The following USP32 variants were observed in gnomAD, a reference collection of about 807,000 sequenced individuals.
The protein encoded by USP32 is ubiquitin specific peptidase 32.
USP32 carries 59 observed loss-of-function variants against 204.8 expected under a neutral mutation model. The ratio of observed to expected loss-of-function variants is 0.29; its 90% CI spans 0.23 to 0.36. USP32 has a LOEUF of 0.36. Among genes scored for constraint, USP32 ranks in the 10% least tolerant of loss-of-function variants. USP32 has a pLI of 1.00. For synonymous variants in USP32, 517 were observed against 678.4 expected, an observed-to-expected ratio of 0.76 and a Z score of 3.70; for missense variants, 1,160 against 1,946.4, an observed-to-expected ratio of 0.60 and a Z score of 7.60.
chr17:60,318,012 A>G (rs1181990467), intron 2 of USP32, among the ~76,000 whole-genome samples: 1 of 152,230 alleles, frequency 6.6e-6, no homozygotes, highest in Non-Finnish European at 1.5e-5. Context: ...ACAAACAAAA[A>G]AAACAGCCAA....
At chr17:60,326,783 T>C (rs1403831823) in intron 2 of USP32, among the ~76,000 whole-genome samples, 1 of 152,230 alleles carries the variant, frequency 6.6e-6, no homozygotes, top group East Asian at 1.9e-4. Context: ...CTAAGTTTTA[T>C]GAAAATAAAA....
chr17:60,378,806 G>A (rs895214766), intron 1 of USP32, among the ~76,000 whole-genome samples: 7 of 151,986 alleles, frequency 4.6e-5, no homozygotes, highest in Non-Finnish European at 1.5e-5. Context: ...TTTCTGTTTG[G>A]GATGATGAAC....
At chr17:60,195,519 G>A (rs1011528321) in intron 27 of USP32, among the ~76,000 whole-genome samples, 1 of 152,126 alleles carries the variant, frequency 6.6e-6, no homozygotes, top group African/African-American at 2.4e-5. Flanking sequence ...TGCATTTTTA[G>A]TAGAGACGGG....
chr17:60,244,256 A>C (rs913665856), intron 11 of USP32, among the ~76,000 whole-genome samples: 3 of 151,644 alleles, frequency 2.0e-5, no homozygotes, highest in African/African-American at 7.3e-5. Context: ...CTCACCTTGC[A>C]ATCCACCCAC....
intron 2 of USP32, among the ~76,000 whole-genome samples, chr17:60,342,867 C>A (rs919274187): frequency 1.3e-5 from 2 of 152,204 alleles, no homozygotes; most frequent in African/African-American, 4.8e-5. Context: ...ATCCCCTAAC[C>A]CCTTGCGCTT....
Position 60,332,980 on chromosome 17 carries a change from A to G in USP32, c.186+12501T>C, listed in dbSNP as rs546390787. Among the ~76,000 whole-genome samples the G allele has an allele frequency of 1.6e-4, 25 of 152,330 alleles. 1 individual carries two copies. In the South Asian group the frequency reaches 5.0e-3, roughly 30 times the overall value. On this transcript the variant is annotated intron_variant, in intron 2 of 33. Transcript: ENST00000300896. ...TCTATGTATAGTACACAGAACTTAC[A>G]TTTTCAAGATATTTCTATTTTGAAA...
rs1235069539 is a variant in USP32, at chr17:60,264,970, T to C, written c.990+442A>G. On this transcript the variant is annotated intron_variant, in intron 9 of 33. Transcript: ENST00000300896. ...TCCTTACGGTTGTTCCCAATTAATC[T>C]GCACACCCCTGAAATCACTATTCCA... Among the ~76,000 whole-genome samples, 4 of 152,106 alleles carry C rather than the reference T, an allele frequency of 2.6e-5. 1 individual carries two copies. In the East Asian group the frequency reaches 7.7e-4, roughly 29 times the overall value.
intron 6 of USP32, among the ~76,000 whole-genome samples, chr17:60,270,823 C>CA (rs56653936): frequency 0.066 from 4,179 of 63,366 alleles, 159 homozygotes; most frequent in African/African-American, 0.15. Context: ...AACTCTGCCT[C>CA]AAAAAAAAAA....
intron 12 of USP32, among the ~76,000 whole-genome samples, chr17:60,231,155 G>A (rs776673248): frequency 6.6e-6 from 1 of 152,182 alleles, no homozygotes; most frequent in Non-Finnish European, 1.5e-5. Context: ...CCTGTGAGTT[G>A]TATAAATAGT....
intron 25 of USP32, among the ~76,000 whole-genome samples, chr17:60,206,450 C>G (rs1019417356): frequency 1.3e-5 from 2 of 149,204 alleles, no homozygotes; most frequent in African/African-American, 5.2e-5. Context: ...GAAGTTTCCA[C>G]CACTGCAGAA....
chr17:60,279,878 A>G (rs1295885695), intron 5 of USP32, among the ~76,000 whole-genome samples: 1 of 150,568 alleles, frequency 6.6e-6, no homozygotes, highest in African/African-American at 2.4e-5. Flanking sequence ...TAATAATAAA[A>G]TGTTTAAACA....
intron 1 of USP32, among the ~76,000 whole-genome samples, chr17:60,377,845 CTA>C (rs2089577110): frequency 6.6e-6 from 1 of 152,078 alleles, no homozygotes; most frequent in Non-Finnish European, 1.5e-5. Context: ...TGGGGTCACT[CTA>C]TCAGAATTTC....
intron 2 of USP32, among the ~76,000 whole-genome samples, chr17:60,305,545 A>G (rs973516749): frequency 5.3e-5 from 8 of 152,234 alleles, no homozygotes; most frequent in African/African-American, 1.7e-4. Context: ...AATTATATAC[A>G]TTCATTTCTA....
intron 1 of USP32, among the ~76,000 whole-genome samples, chr17:60,351,178 C>T (rs1416351528): frequency 6.6e-6 from 1 of 152,094 alleles, no homozygotes; most frequent in Non-Finnish European, 1.5e-5. Context: ...GGTTCAAAGT[C>T]TATGAGGAGT....
At chr17:60,380,265 T>C (rs1316929073) in intron 1 of USP32, among the ~76,000 whole-genome samples, 1 of 152,128 alleles carries the variant, frequency 6.6e-6, no homozygotes, top group East Asian at 1.9e-4. Context: ...GATCTCAGAA[T>C]AAAAACAAAT....
intron 5 of USP32, among the ~76,000 whole-genome samples, chr17:60,282,058 T>C (rs1266228809): frequency 6.6e-6 from 1 of 152,188 alleles, no homozygotes; most frequent in South Asian, 2.1e-4. Flanking sequence ...AATAAGAATG[T>C]TATAAATAAC....
chr17:60,374,768 A>G (rs1036693939), intron 1 of USP32, among the ~76,000 whole-genome samples: 1 of 152,216 alleles, frequency 6.6e-6, no homozygotes, highest in Non-Finnish European at 1.5e-5. Flanking sequence ...AAAAGCAAAA[A>G]CAAGTAAATG....
chr17:60,369,664 A>G (rs2089399237), intron 1 of USP32, among the ~76,000 whole-genome samples: 1 of 152,202 alleles, frequency 6.6e-6, no homozygotes, highest in Non-Finnish European at 1.5e-5. Context: ...AACAAATAGC[A>G]ATGTTAAACT....
intron 11 of USP32, among the ~76,000 whole-genome samples, chr17:60,247,396 T>C (rs1404647651): frequency 2.0e-5 from 3 of 152,104 alleles, no homozygotes; most frequent in Admixed American, 6.6e-5. Flanking sequence ...GTCAGGCTGG[T>C]CTCGAACTCC....
Sources: allele counts gnomAD v4.1 joint callset (sites outside exome capture counted in the v4.1 genomes callset), GRCh38; gene constraint gnomAD v4.1.1; transcripts MANE v1.5; gene names NCBI Gene and HGNC (gene_info 2026-07-23, HGNC 2026-07-21).